The following RPS20 variants were observed in gnomAD, a reference collection of about 807,000 sequenced individuals.
RPS20 encodes small ribosomal subunit protein uS10.
In RPS20, 3 loss-of-function variants were observed where a neutral mutation model predicts 15.3. The observed-to-expected ratio is 0.20, with a 90% CI of 0.09 to 0.51. RPS20 has a LOEUF of 0.51. Among genes scored for constraint, RPS20 ranks in the 20% least tolerant of loss-of-function variants. The probability of loss-of-function intolerance (pLI) is 0.96; values close to 1 mark genes in which losing one functional copy is unlikely to be tolerated. For synonymous variants in RPS20, 62 were observed against 47.8 expected, an observed-to-expected ratio of 1.30 and a Z score of -1.23; for missense variants, 67 against 145.9, an observed-to-expected ratio of 0.46 and a Z score of 2.79.
At chr8:56,073,324 T>C in intron 3 of RPS20, 52 bp from the exon 4 acceptor site, 1 of 1,145,256 alleles carries the variant, frequency 8.7e-7, no homozygotes, top group Non-Finnish European at 1.3e-6. Context: ...TACTTATCCC[T>C]AGAACATCTG....
intron 1 of RPS20, 63 bp downstream of exon 1, chr8:56,074,318 A>G: frequency 1.9e-6 from 3 of 1,547,546 alleles, no homozygotes; most frequent in Non-Finnish European, 2.6e-6. Flanking sequence ...ACGAACTCGA[A>G]ACCGGGGTCC....
downstream of RPS20, chr8:56,068,506 C>T (rs1405789304): frequency 6.8e-6 from 1 of 147,096 alleles, no homozygotes; most frequent in Non-Finnish European, 1.5e-5. Flanking sequence ...CCATTGCACT[C>T]CAGCCTGGGT....
intron 2 of RPS20, 50 bp downstream of exon 2, chr8:56,074,009 CG>C: frequency 7.2e-7 from 1 of 1,384,682 alleles, no homozygotes; most frequent in Non-Finnish European, 1.0e-6. Context: ...GAGTAAAGCT[CG>C]TCGCTTTTCG....
At chr8:56,071,023 AGT>A (rs1313950014), downstream of RPS20, among the ~76,000 whole-genome samples, 1 of 152,204 alleles carries the variant, frequency 6.6e-6, no homozygotes, top group African/African-American at 2.4e-5. Context: ...GGTATTTTTA[AGT>A]GTTTGAGAAA....
chr8:56,069,308 A>G (rs1312896307), downstream of RPS20, among the ~76,000 whole-genome samples: 1 of 151,818 alleles, frequency 6.6e-6, no homozygotes, highest in Non-Finnish European at 1.5e-5. Context: ...AGTGGACTCG[A>G]TCCACTGCAC....
downstream of RPS20, among the ~76,000 whole-genome samples, chr8:56,070,794 C>A (rs941370161): frequency 6.6e-6 from 1 of 151,840 alleles, no homozygotes; most frequent in East Asian, 1.9e-4. Flanking sequence ...GGTTTCTGTT[C>A]CCTTGGTTAT....
At chr8:56,068,955 C>T (rs892495794), downstream of RPS20, among the ~76,000 whole-genome samples, 5 of 151,072 alleles carry the variant, frequency 3.3e-5, no homozygotes, top group Non-Finnish European at 7.4e-5. Flanking sequence ...CGCACTGCCA[C>T]GCCCAGCTAA....
At chr8:56,074,203 C>A (rs1018201358) in intron 1 of RPS20, 44 bp from the exon 2 acceptor site, 4 of 1,564,214 alleles carry the variant, frequency 2.6e-6, no homozygotes, top group Non-Finnish European at 2.6e-6. Context: ...CAAAAATGGT[C>A]TGCCACTTCT....
In RPS20 at chr8:56,074,505, A is replaced by G. The variant is rs1399314451; in HGVS notation, c.-122T>C. ...CCTTACGACCGCGTCTTCCTCAAAAAGAAAGGGGTGGGACTTGAGCAACGC... is the reference window on the plus strand; with the variant it reads ...CCTTACGACCGCGTCTTCCTCAAAAGGAAAGGGGTGGGACTTGAGCAACGC... On this transcript the variant is annotated 5_prime_UTR_variant, in exon 1 of 4. Coordinates refer to ENST00000009589, the MANE Select transcript of RPS20 (RefSeq NM_001023.4). 3.6e-6 allele frequency: 4 copies of G among 1,100,130 alleles called. No homozygotes were observed. The highest frequency in any genetic ancestry group is 1.4e-5 in the South Asian group (1 of 69,640). 68.1% of individuals were successfully genotyped at this position (1,100,130 alleles called of 1,614,324 possible). A position where few individuals can be genotyped will look rare whatever the true frequency, so the allele number is the denominator to read the frequency against.
chr8:56,073,940 C>T (rs774162783), intron 2 of RPS20, 120 bp downstream of exon 2: 2 of 1,133,126 alleles, frequency 1.8e-6, no homozygotes, highest in Non-Finnish European at 2.7e-6. Flanking sequence ...CCACGCTTTA[C>T]TTTTTTAAGT....
At chr8:56,068,646 G>A (rs1394840179), downstream of RPS20, 3 of 151,628 alleles carry the variant, frequency 2.0e-5, no homozygotes, top group East Asian at 5.8e-4. Context: ...AGAGACAAAT[G>A]GAGGGTAGGG....
At position 56,073,628 on chromosome 8, in the gene RPS20, T is replaced by C. The variant is rs548150203; in HGVS notation, c.177+67A>G. On this transcript the variant is annotated intron_variant, in intron 3 of 3. Coordinates refer to ENST00000009589, the MANE Select transcript of RPS20 (RefSeq NM_001023.4). Reference sequence around the variant, plus strand: ...TAACAATTTTGGCAGCCGAACTCCTTAAAGAACCTGAATTTATGCAACATC... The same window carrying C: ...TAACAATTTTGGCAGCCGAACTCCTCAAAGAACCTGAATTTATGCAACATC... 21 of 1,390,792 alleles carry C rather than the reference T, an allele frequency of 1.5e-5. No individual in the cohort carries two copies. The African/African-American group carries it at 2.5e-4, about 17-fold the overall frequency. 86.2% of individuals were successfully genotyped at this position (1,390,792 alleles called of 1,614,324 possible). A position where few individuals can be genotyped will look rare whatever the true frequency, so the allele number is the denominator to read the frequency against.
At chr8:56,073,956 G>A (rs894098441) in intron 2 of RPS20, 104 bp downstream of exon 2, 13 of 1,164,002 alleles carry the variant, frequency 1.1e-5, no homozygotes, top group Non-Finnish European at 1.6e-5. Context: ...TAAGTAACTT[G>A]TCACTTTAGT....
Position 56,073,678 on chromosome 8 carries a change from C to T in RPS20, c.177+17G>A. On this transcript the variant is annotated intron_variant, in intron 3 of 3. Coordinates refer to ENST00000009589, the MANE Select transcript of RPS20 (RefSeq NM_001023.4). ...CCGGAAGCAACTCCTACTTCCTGCC[C>T]CTCCGATTTACTTTACCTTGGTAGG... 6.2e-7 allele frequency: 1 copy of T among 1,608,066 alleles called. No individual in the cohort carries two copies. The highest frequency in any genetic ancestry group is 8.5e-7 in the Non-Finnish European group (1 of 1,175,220).
chr8:56,067,640 C>T (rs1383436092), exon 6 of RPS20: 1 of 150,740 alleles, frequency 6.6e-6, no homozygotes, highest in Non-Finnish European at 1.5e-5. Context: ...GAGCCGAGAT[C>T]GCGCCACTGC....
downstream of RPS20, chr8:56,069,604 T>C: frequency 1.1e-6 from 1 of 870,368 alleles, no homozygotes; most frequent in Non-Finnish European, 1.8e-6. Context: ...CAGCCATAGT[T>C]CCTCTTACTT....
downstream of RPS20, chr8:56,069,938 C>T (rs1488183726): frequency 4.3e-6 from 3 of 700,482 alleles, no homozygotes; most frequent in Non-Finnish European, 7.8e-6. Context: ...ACTTACATAC[C>T]ATTTACATTG....
intron 2 of RPS20, 59 bp downstream of exon 2, chr8:56,074,001 G>C (rs1399440887): frequency 1.5e-6 from 2 of 1,349,746 alleles, no homozygotes; most frequent in African/African-American, 1.4e-5. Flanking sequence ...ACATTAACGA[G>C]TAAAGCTCGT....
Position 56,073,063 on chromosome 8 carries a change from G to A in RPS20, c.*27C>T. On this transcript the variant is annotated 3_prime_UTR_variant, in exon 4 of 4. Transcript: ENST00000009589. ...TAAAAACCAACAGAAGTTAACAACT[G>A]GTCATCAATTTATTAAAATAGTTGA... 1 of 1,586,628 alleles carries A rather than the reference G, an allele frequency of 6.3e-7. No individual in the cohort carries two copies.
Sources: allele counts gnomAD v4.1 joint callset (sites outside exome capture counted in the v4.1 genomes callset), GRCh38; gene constraint gnomAD v4.1.1; transcripts MANE v1.5; gene names NCBI Gene and HGNC (gene_info 2026-07-23, HGNC 2026-07-21).